The following FOXP2 variants were observed in gnomAD, a reference collection of about 807,000 sequenced individuals.
FOXP2 encodes the protein forkhead box P2, also known as forkhead box protein P2.
Under a neutral mutation model 115.8 loss-of-function variants are expected in FOXP2, and 12 were observed. That is an observed-to-expected ratio of 0.10 (90% CI 0.07 to 0.17). FOXP2 has a LOEUF of 0.17. FOXP2 is among the 10% of genes least tolerant of loss of function. The pLI is 1.00. For synonymous variants in FOXP2, 328 were observed against 297.7 expected, an observed-to-expected ratio of 1.10 and a Z score of -1.05; for missense variants, 629 against 843.5, an observed-to-expected ratio of 0.75 and a Z score of 3.15.
intron 1 of FOXP2, among the ~76,000 whole-genome samples, chr7:114,167,893 A>C (rs1162530566): frequency 1.4e-5 from 2 of 144,656 alleles, no homozygotes; most frequent in Non-Finnish European, 3.0e-5. Context: ...CCGAGATTAC[A>C]CCACTGCATT....
intron 1 of FOXP2, among the ~76,000 whole-genome samples, chr7:114,259,217 G>A (rs1321053124): frequency 1.3e-5 from 2 of 152,144 alleles, no homozygotes; most frequent in Non-Finnish European, 2.9e-5. Context: ...TTGATGAAAA[G>A]CAACAGAATT....
intron 3 of FOXP2, among the ~76,000 whole-genome samples, chr7:114,620,654 A>T (rs1378100561): frequency 6.6e-6 from 1 of 152,068 alleles, no homozygotes; most frequent in Non-Finnish European, 1.5e-5. Context: ...ACTGTGGGAA[A>T]ATAGTCTAGC....
chr7:114,342,629 T>G (rs2129184518), intron 2 of FOXP2, among the ~76,000 whole-genome samples: 1 of 151,574 alleles, frequency 6.6e-6, no homozygotes, highest in Admixed American at 6.6e-5. Flanking sequence ...GATTGATAGG[T>G]GAATCTCAAA....
In FOXP2 at chr7:114,691,792, CATT is replaced by C. The variant is rs1808679962; in HGVS notation, c.*1867_*1869del. On this transcript the variant is annotated 3_prime_UTR_variant, in exon 17 of 17. Coordinates refer to ENST00000350908, the MANE Select transcript of FOXP2 (RefSeq NM_014491.4). ...ACCGGTTCTTGCAAACTAAGCTCATCATTGATTCTTTGCTGAAGTCAGCAAATA... is the reference window on the plus strand; with the variant it reads ...ACCGGTTCTTGCAAACTAAGCTCATCGATTCTTTGCTGAAGTCAGCAAATA... 2.2e-6 allele frequency: 1 copy of C among 453,398 alleles called. No individual in the cohort carries two copies. The allele number at this position is 453,398 out of a possible 1,614,324, so 28.1% of individuals were successfully genotyped here.
chr7:114,592,069 A>G (rs943012449), intron 3 of FOXP2, among the ~76,000 whole-genome samples: 1 of 152,114 alleles, frequency 6.6e-6, no homozygotes. Flanking sequence ...TTAAATACAG[A>G]TATACACATA....
rs150485364 is a variant in FOXP2, at chr7:114,466,784, T to C, written c.168+40105T>C. 3.9e-3 allele frequency among the ~76,000 whole-genome samples: 592 copies of C among 152,340 alleles called. 5 individuals carry two copies. The highest frequency in any genetic ancestry group is 0.017 in the Middle Eastern group (5 of 294). On this transcript the variant is annotated intron_variant, in intron 2 of 16. Transcript: ENST00000350908. ...ACTAATGTAACAAAAGGAAGAGACATGTTTTATATGAATGACACAAAGAAT... is the reference window on the plus strand; with the variant it reads ...ACTAATGTAACAAAAGGAAGAGACACGTTTTATATGAATGACACAAAGAAT...
chr7:114,302,323 T>C (rs1796897234), intron 2 of FOXP2, among the ~76,000 whole-genome samples: 1 of 152,284 alleles, frequency 6.6e-6, no homozygotes, highest in East Asian at 1.9e-4. Context: ...GTAAAACCAC[T>C]GGGTTTTATA....
At chr7:114,274,883 A>C (rs1796151197) in intron 1 of FOXP2, among the ~76,000 whole-genome samples, 1 of 151,708 alleles carries the variant, frequency 6.6e-6, no homozygotes, top group South Asian at 2.1e-4. Context: ...TGGAACTCCT[A>C]GTCTCAAGCA....
At chr7:114,366,949 T>C (rs554474198) in intron 2 of FOXP2, among the ~76,000 whole-genome samples, 2 of 152,270 alleles carry the variant, frequency 1.3e-5, no homozygotes, top group Non-Finnish European at 2.9e-5. Context: ...GGAATTCAAA[T>C]GACCAGGTCT....
chr7:114,528,305 G>A (rs1798971007), intron 2 of FOXP2, among the ~76,000 whole-genome samples: 1 of 151,834 alleles, frequency 6.6e-6, no homozygotes, highest in East Asian at 1.9e-4. Context: ...AAATTTCAAT[G>A]AGCTTCTCAA....
chr7:114,235,796 T>C (rs1258333956), intron 1 of FOXP2, among the ~76,000 whole-genome samples: 1 of 152,224 alleles, frequency 6.6e-6, no homozygotes, highest in African/African-American at 2.4e-5. Flanking sequence ...GGATGATCAG[T>C]GGTCAGAATA....
chr7:114,145,247 A>T (rs886450798), intron 1 of FOXP2, among the ~76,000 whole-genome samples: 1 of 152,206 alleles, frequency 6.6e-6, no homozygotes, highest in Non-Finnish European at 1.5e-5. Flanking sequence ...TTTCTGACTA[A>T]TAATAAAGGA....
chr7:114,640,265 T>A (rs771870648), intron 6 of FOXP2, among the ~76,000 whole-genome samples: 1 of 152,180 alleles, frequency 6.6e-6, no homozygotes, highest in Non-Finnish European at 1.5e-5. Context: ...AAAAGTTGTT[T>A]CCTATGTAAC....
intron 1 of FOXP2, among the ~76,000 whole-genome samples, chr7:114,164,095 GC>G (rs1792909029): frequency 6.6e-6 from 1 of 152,090 alleles, no homozygotes; most frequent in Non-Finnish European, 1.5e-5. Flanking sequence ...GGTCCAAGTG[GC>G]CCACGGTGAA....
intron 2 of FOXP2, among the ~76,000 whole-genome samples, chr7:114,428,616 A>C (rs1793975546): frequency 6.6e-6 from 1 of 151,462 alleles, no homozygotes; most frequent in Non-Finnish European, 1.5e-5. Flanking sequence ...AACATGCAAA[A>C]ACCTTTGTAA....
Position 114,659,965 on chromosome 7 carries a change from C to T in FOXP2, c.1647+292C>T, listed in dbSNP as rs1358750598. Among the ~76,000 whole-genome samples, 5 of 152,224 alleles carry T rather than the reference C, an allele frequency of 3.3e-5. No individual in the cohort carries two copies. The South Asian group carries it at 6.2e-4, about 19-fold the overall frequency. ...ATCATCAACACCTTTGTTAGTCGCA[C>T]GATATTACTTTTTCTCTTGCATATT... On this transcript the variant is annotated intron_variant, in intron 13 of 16. Transcript: ENST00000350908.
rs1394757420 is a variant in FOXP2 at position 114,663,490 on chromosome 7, T to A, written c.1810T>A (p.Tyr604Asn). 2 of 1,612,464 alleles carry A rather than the reference T, an allele frequency of 1.2e-6. No individual in the cohort carries two copies. Among genetic ancestry groups the A allele is most frequent in the Non-Finnish European group, 1.7e-6 (2 of 1,179,220 alleles). Residue 604 changes from tyrosine (Y) to asparagine (N), a missense_variant, in exon 15 of 17, where the codon TAT (tyrosine) becomes AAT (asparagine). Physicochemically the swap from Tyr to Asn is moderately radical, Grantham distance 143. This residue lies in a region of FOXP2 where 40 missense variants were observed against 75.3 expected (regional missense o/e 0.53). Coordinates refer to ENST00000350908, the MANE Select transcript of FOXP2 (RefSeq NM_014491.4). ...AAAAAATATACCTACCAGTTTAGGC[T>A]ATGGAGCAGCTCTTAATGCCAGTTT... is the stretch of plus-strand genomic sequence containing the variant. ...LVKNIPTSLG[Y>N]GAALNASLQA... is the part of the protein sequence containing the mutation.
chr7:114,232,817 A>G (rs1034999267), intron 1 of FOXP2, among the ~76,000 whole-genome samples: 6 of 152,058 alleles, frequency 3.9e-5, no homozygotes, highest in African/African-American at 1.2e-4. Flanking sequence ...CCGTCTCAAA[A>G]AAAAAAAAAA....
intron 2 of FOXP2, among the ~76,000 whole-genome samples, chr7:114,511,728 T>C (rs1646054905): frequency 6.6e-6 from 1 of 152,172 alleles, no homozygotes; most frequent in African/African-American, 2.4e-5. Context: ...ATCCTTGATA[T>C]TGTGAAGGAT....
Sources: gnomAD v4.1 joint callset for allele counts (sites outside exome capture counted in the v4.1 genomes callset) on GRCh38, gnomAD v4.1.1 for gene constraint, gnomAD v4.1.1 regional missense constraint, MANE v1.5 for transcripts, NCBI Gene and HGNC (gene_info 2026-07-23, HGNC 2026-07-21) for gene names.